The following DENND1A variants were observed in gnomAD, a reference collection of about 807,000 sequenced individuals.
DENND1A encodes the protein DENN domain containing 1A.
DENND1A carries 51 observed loss-of-function variants against 113.7 expected under a neutral mutation model. The observed-to-expected ratio is 0.45, with a 90% CI of 0.36 to 0.57. DENND1A has a LOEUF of 0.57. Ranked by LOEUF, DENND1A falls within the 20% of genes least tolerant of loss-of-function variation. DENND1A has a pLI of 0.00. For synonymous variants in DENND1A, 565 were observed against 570.8 expected (o/e 0.99, Z 0.14); for missense variants, 1,258 against 1,395.9 (o/e 0.90, Z 1.57).
chr9:123,484,058 G>C (rs2050580897), intron 13 of DENND1A, among the ~76,000 whole-genome samples: 1 of 152,200 alleles, frequency 6.6e-6, no homozygotes, highest in Admixed American at 6.5e-5. Flanking sequence ...TCTGGTCAGA[G>C]GGACTTGGTT....
intron 2 of DENND1A, among the ~76,000 whole-genome samples, chr9:123,833,815 CT>C (rs1172942620): frequency 3.9e-5 from 6 of 152,176 alleles, no homozygotes; most frequent in African/African-American, 1.4e-4. Flanking sequence ...AATCCCAGCA[CT>C]TTGGGAGGCC....
chr9:123,792,533 G>T, intron 3 of DENND1A, 54 bp downstream of exon 3: 1 of 1,568,312 alleles, frequency 6.4e-7, no homozygotes, highest in Non-Finnish European at 8.8e-7. Flanking sequence ...ATAATATGTT[G>T]AACAACTCTG....
intron 13 of DENND1A, among the ~76,000 whole-genome samples, chr9:123,512,491 G>A (rs1177994085): frequency 6.6e-6 from 1 of 152,212 alleles, no homozygotes; most frequent in African/African-American, 2.4e-5. Context: ...ATTCAAATGA[G>A]GAGAGGTGAG....
At chr9:123,483,655 G>T (rs138994506) in intron 13 of DENND1A, among the ~76,000 whole-genome samples, 1 of 152,134 alleles carries the variant, frequency 6.6e-6, no homozygotes, top group Non-Finnish European at 1.5e-5. Flanking sequence ...GTGTGTCCTG[G>T]GGTGGCTCCG....
At chr9:123,849,680 T>C (rs901758576) in intron 2 of DENND1A, among the ~76,000 whole-genome samples, 3 of 152,182 alleles carry the variant, frequency 2.0e-5, no homozygotes, top group African/African-American at 7.2e-5. Context: ...AGCTGCAATA[T>C]ATAGTTATTC....
chr9:123,781,157 A>G (rs1373868286), intron 3 of DENND1A, among the ~76,000 whole-genome samples: 1 of 152,168 alleles, frequency 6.6e-6, no homozygotes, highest in Non-Finnish European at 1.5e-5. Flanking sequence ...AACTTGCAGG[A>G]ATAGAGTGAA....
Position 123,532,239 on chromosome 9 carries a change from C to T in DENND1A, c.993+25331G>A, listed in dbSNP as rs543462041. 2.6e-5 allele frequency among the ~76,000 whole-genome samples: 4 copies of T among 152,282 alleles called. No individual in the cohort carries two copies. The South Asian group carries it at 8.3e-4, about 32-fold the overall frequency. ...CTATATTTCCTAAAATCAAGAATGTCCTCTTACATAACCATAGTGCGATGA... is the reference window on the plus strand; with the variant it reads ...CTATATTTCCTAAAATCAAGAATGTTCTCTTACATAACCATAGTGCGATGA... On this transcript the variant is annotated intron_variant, in intron 13 of 23. Transcript: ENST00000394215.
chr9:123,510,209 G>C (rs1004497750), intron 13 of DENND1A, among the ~76,000 whole-genome samples: 5 of 152,274 alleles, frequency 3.3e-5, no homozygotes, highest in African/African-American at 1.2e-4. Context: ...CTCAAAGGCA[G>C]AGATGACCTC....
chr9:123,428,236 G>C (rs574164430), intron 19 of DENND1A, among the ~76,000 whole-genome samples: 1 of 152,248 alleles, frequency 6.6e-6, no homozygotes, highest in South Asian at 2.1e-4. Flanking sequence ...AGGAAGCAAG[G>C]GTGGTTCAAC....
At chr9:123,392,158 A>G (rs1588290518) in intron 21 of DENND1A, among the ~76,000 whole-genome samples, 1 of 152,200 alleles carries the variant, frequency 6.6e-6, no homozygotes, top group Non-Finnish European at 1.5e-5. Context: ...GTCAGGAAGC[A>G]GGGACGTGCT....
At chr9:123,656,438 C>T (rs2062949723) in intron 8 of DENND1A, among the ~76,000 whole-genome samples, 1 of 152,156 alleles carries the variant, frequency 6.6e-6, no homozygotes, top group Admixed American at 6.5e-5. Context: ...TTAAAATATA[C>T]ATTAGAAAAC....
intron 9 of DENND1A, among the ~76,000 whole-genome samples, chr9:123,648,789 C>T (rs541039208): frequency 2.0e-5 from 3 of 152,110 alleles, no homozygotes; most frequent in African/African-American, 7.2e-5. Context: ...GTTCTTGATC[C>T]ATTTGGAATT....
chr9:123,752,311 T>G (rs2070123670), intron 5 of DENND1A, among the ~76,000 whole-genome samples: 1 of 152,214 alleles, frequency 6.6e-6, no homozygotes, highest in Non-Finnish European at 1.5e-5. Flanking sequence ...GGGTATATAC[T>G]AGGTACTCAG....
At chr9:123,661,792 T>C (rs1589564391) in intron 8 of DENND1A, among the ~76,000 whole-genome samples, 1 of 152,036 alleles carries the variant, frequency 6.6e-6, no homozygotes, top group African/African-American at 2.4e-5. Context: ...AATATTAATA[T>C]AATGGCAGAA....
chr9:123,589,788 T>C (rs577682041), intron 11 of DENND1A, among the ~76,000 whole-genome samples: 150 of 152,296 alleles, frequency 9.8e-4, no homozygotes, highest in Admixed American at 1.8e-3. Context: ...TTCTGCTTTG[T>C]CACAGACAGT....
intron 21 of DENND1A, among the ~76,000 whole-genome samples, chr9:123,389,883 G>A (rs948054297): frequency 4.6e-5 from 7 of 152,176 alleles, no homozygotes; most frequent in African/African-American, 1.4e-4. Flanking sequence ...CTGAGCGGCC[G>A]TGCCGAGCTC....
At chr9:123,897,733 C>G (rs1008894381) in intron 1 of DENND1A, among the ~76,000 whole-genome samples, 10 of 152,072 alleles carry the variant, frequency 6.6e-5, no homozygotes, top group African/African-American at 2.4e-4. Flanking sequence ...CTTTGAGAGG[C>G]CAAGAGAGAG....
At chr9:123,508,750 G>C (rs949140235) in intron 13 of DENND1A, among the ~76,000 whole-genome samples, 1 of 152,104 alleles carries the variant, frequency 6.6e-6, no homozygotes, top group Admixed American at 6.5e-5. Context: ...AGTGTTAATT[G>C]TATCTAAAAA....
chr9:123,513,540 G>C (rs774742156), intron 13 of DENND1A, among the ~76,000 whole-genome samples: 21 of 152,176 alleles, frequency 1.4e-4, no homozygotes, highest in Non-Finnish European at 3.1e-4. Flanking sequence ...CAAGGCCCAG[G>C]GTCTGAGGAC....
Sources: gnomAD v4.1 joint callset for allele counts (sites outside exome capture counted in the v4.1 genomes callset) on GRCh38, gnomAD v4.1.1 for gene constraint, MANE v1.5 for transcripts, NCBI Gene and HGNC (gene_info 2026-07-23, HGNC 2026-07-21) for gene names.